The following PRR5 variants were observed in gnomAD, a reference collection of about 807,000 sequenced individuals.
PRR5 encodes proline rich 5, also known as proline-rich protein 5.
PRR5 carries 25 observed loss-of-function variants against 30.6 expected under a neutral mutation model. The observed-to-expected ratio is 0.82, with a 90% confidence interval of 0.60 to 1.14. The LOEUF (loss-of-function observed/expected upper bound fraction) is 1.14. Among genes scored for constraint, PRR5 ranks in the 50% most tolerant of loss-of-function variants. PRR5 has a pLI of 0.00. For synonymous variants in PRR5, 286 were observed against 247.1 expected, an observed-to-expected ratio of 1.16 and a Z score of -1.48; for missense variants, 600 against 547.1, an observed-to-expected ratio of 1.10 and a Z score of -0.96.
chr22:44,705,206 TAGGGGAGG>T lies in PRR5; in HGVS notation c.134+2601_134+2608del, dbSNP rs1926990740. Among the ~76,000 whole-genome samples, 9 of 152,314 alleles carry T rather than the reference TAGGGGAGG, an allele frequency of 5.9e-5. No individual in the cohort carries two copies. In the South Asian group the frequency reaches 1.9e-3, roughly 32 times the overall value. On this transcript the variant is annotated intron_variant, in intron 1 of 7. Transcript: ENST00000336985. Reference sequence around the variant, plus strand: ...CAGGTGTCGCTCCCACCAGAGGCTCTAGGGGAGGAGCTTCTTGAAGCTTCTGGTGGCTC... The same window carrying T: ...CAGGTGTCGCTCCCACCAGAGGCTCTAGCTTCTTGAAGCTTCTGGTGGCTC...
intron 1 of PRR5, among the ~76,000 whole-genome samples, chr22:44,707,667 G>A (rs1424444454): frequency 6.6e-6 from 1 of 152,214 alleles, no homozygotes; most frequent in African/African-American, 2.4e-5. Context: ...CTGAGCCAGT[G>A]CCCCGCCAGT....
chr22:44,728,895 G>A (rs914928511), intron 4 of PRR5, among the ~76,000 whole-genome samples: 14 of 152,190 alleles, frequency 9.2e-5, no homozygotes, highest in South Asian at 8.3e-4. Context: ...TCCTGGAAGC[G>A]GAGAGCCTGG....
chr22:44,710,825 G>A (rs1160630236), intron 1 of PRR5, among the ~76,000 whole-genome samples: 7 of 152,294 alleles, frequency 4.6e-5, no homozygotes, highest in Admixed American at 2.6e-4. Context: ...CAGGCTGGGT[G>A]TGGCCAAGGT....
chr22:44,723,517 T>C (rs1930252191), intron 2 of PRR5, among the ~76,000 whole-genome samples: 1 of 151,854 alleles, frequency 6.6e-6, no homozygotes, highest in South Asian at 2.1e-4. Flanking sequence ...GTCAGGAGTT[T>C]GAGACCAGCC....
intron 1 of PRR5, among the ~76,000 whole-genome samples, chr22:44,693,918 T>A (rs758247323): frequency 6.6e-6 from 1 of 151,030 alleles, no homozygotes. Flanking sequence ...CATGAGCCAC[T>A]GCGCCCTGCC....
At chr22:44,711,914 G>A (rs1411101860) in intron 1 of PRR5, among the ~76,000 whole-genome samples, 10 of 152,330 alleles carry the variant, frequency 6.6e-5, no homozygotes, top group African/African-American at 2.4e-5. Flanking sequence ...TGCCAGGATT[G>A]TAGGGTGGTT....
chr22:44,685,183 C>T (rs1255407717), intron 1 of PRR5, among the ~76,000 whole-genome samples: 1 of 152,086 alleles, frequency 6.6e-6, no homozygotes, highest in African/African-American at 2.4e-5. Context: ...TAGATGGGTA[C>T]GCAGTGCCAG....
At chr22:44,709,927 G>A (rs968607554) in intron 1 of PRR5, among the ~76,000 whole-genome samples, 3 of 152,204 alleles carry the variant, frequency 2.0e-5, no homozygotes, top group East Asian at 1.9e-4. Flanking sequence ...TTCAGCCACC[G>A]AGTTAGGGGT....
intron 4 of PRR5, among the ~76,000 whole-genome samples, chr22:44,727,150 C>T (rs532195273): frequency 1.3e-5 from 2 of 149,658 alleles, no homozygotes; most frequent in East Asian, 2.0e-4. Flanking sequence ...GGCTACAGTG[C>T]ACATCAGGGG....
chr22:44,674,518 C>T (rs904499154), upstream of PRR5, among the ~76,000 whole-genome samples: 13 of 150,642 alleles, frequency 8.6e-5, no homozygotes, highest in South Asian at 1.3e-3. Context: ...GTCAGGAGAT[C>T]GAGACCATCC....
chr22:44,671,444 A>G (rs1393374785), intron 1 of PRR5, among the ~76,000 whole-genome samples: 1 of 151,980 alleles, frequency 6.6e-6, no homozygotes, highest in Non-Finnish European at 1.5e-5. Context: ...TGGTGAGCAT[A>G]TTTCTCGGTG....
rs1925201166 is a variant in PRR5 at position 44,691,123 on chromosome 22, T to G, written c.-10-11369T>G. ...CCCGAGGGCTGTGTGGTGGAGGGGG[T>G]GGGCAGGCTGTGGGCAGGGGCTGAG... On this transcript the variant is annotated intron_variant, in intron 1 of 8. Coordinates refer to the PRR5 transcript ENST00000006251. This position sits in a 1 kb window ranked among gnomAD's most constrained non-coding sequence, Gnocchi z 4.4. Among the ~76,000 whole-genome samples, 2 of 141,968 alleles carry G rather than the reference T, an allele frequency of 1.4e-5. No individual in the cohort carries two copies. Among genetic ancestry groups the G allele is most frequent in the Admixed American group, 7.0e-5 (1 of 14,290 alleles). The allele number at this position is 141,968 out of a possible 152,430, so 93.1% of individuals were successfully genotyped here. A position where few individuals can be genotyped will look rare whatever the true frequency, so the allele number is the denominator to read the frequency against.
chr22:44,700,576 A>G (rs999046156), upstream of PRR5, among the ~76,000 whole-genome samples: 33 of 152,332 alleles, frequency 2.2e-4, no homozygotes, highest in African/African-American at 7.9e-4. Flanking sequence ...CAGTGACCAC[A>G]GTGGTGCCAC....
chr22:44,688,444 G>C (rs754605024), intron 1 of PRR5, among the ~76,000 whole-genome samples: 2 of 152,184 alleles, frequency 1.3e-5, no homozygotes, highest in African/African-American at 4.8e-5. Flanking sequence ...AACTAGTAGA[G>C]CATAATAGTT....
At chr22:44,720,072 T>G (rs1467950331) in intron 2 of PRR5, among the ~76,000 whole-genome samples, 1 of 152,142 alleles carries the variant, frequency 6.6e-6, no homozygotes, top group African/African-American at 2.4e-5. Flanking sequence ...CACCCCCTCT[T>G]CTCCCTCCCT....
At position 44,713,916 on chromosome 22, in the gene PRR5, G is replaced by A. The variant is rs559384818; in HGVS notation, c.135-675G>A. ...CCTCCCGGGTTCACGCCACTCTCCT[G>A]CCTCAGCCTCCCGAGCAGCTGGGAC... On this transcript the variant is annotated intron_variant, in intron 1 of 7. Transcript: ENST00000336985. Among the ~76,000 whole-genome samples, 3 of 152,314 alleles carry A rather than the reference G, an allele frequency of 2.0e-5. No individual in the cohort carries two copies. The East Asian group carries it at 5.8e-4, about 29-fold the overall frequency.
upstream of PRR5, among the ~76,000 whole-genome samples, chr22:44,700,179 G>A (rs1926126487): frequency 6.6e-6 from 1 of 152,100 alleles, no homozygotes; most frequent in Non-Finnish European, 1.5e-5. Flanking sequence ...AAATTAGCCA[G>A]GGAGCCGGGC....
rs756548067 is a variant in PRR5 at position 44,736,955 on chromosome 22, C to T, written c.875C>T (p.Pro292Leu). 19 of 1,604,146 alleles carry T rather than the reference C, an allele frequency of 1.2e-5. No homozygotes were observed. The highest frequency in any genetic ancestry group is 1.6e-5 in the Non-Finnish European group (19 of 1,176,348). Residue 292 changes from proline (P) to leucine (L), a missense_variant, in exon 8 of 8, where the codon CCT (proline) becomes CTT (leucine). Pro to Leu is a moderately conservative substitution (Grantham distance 98). Coordinates refer to ENST00000336985, the MANE Select transcript of PRR5 (RefSeq NM_181333.4). ...TCGGAGATGACGTCCTGCCCCGAGCCTCAGGGCTTCTCCGACCCGCCCGGC... is the reference window on the plus strand; with the variant it reads ...TCGGAGATGACGTCCTGCCCCGAGCTTCAGGGCTTCTCCGACCCGCCCGGC... Reference protein sequence around the residue: ...SVSEMTSCPEPQGFSDPPGQG... With the variant: ...SVSEMTSCPELQGFSDPPGQG...
upstream of PRR5, among the ~76,000 whole-genome samples, chr22:44,674,533 T>G (rs921527346): frequency 6.5e-4 from 98 of 151,794 alleles, no homozygotes; most frequent in Non-Finnish European, 7.9e-4. Flanking sequence ...CCATCCTGGC[T>G]AACACGGTGA....
Sources: allele counts gnomAD v4.1 joint callset (sites outside exome capture counted in the v4.1 genomes callset), GRCh38; gene constraint gnomAD v4.1.1; non-coding constraint Gnocchi (gnomAD v3.1); transcripts MANE v1.5; gene names NCBI Gene and HGNC (gene_info 2026-07-23, HGNC 2026-07-21).